Variants in PDE1C observed in about 807,000 individuals in gnomAD.
The protein encoded by PDE1C is phosphodiesterase 1C, also known as dual specificity calcium/calmodulin-dependent 3',5'-cyclic nucleotide phosphodiesterase 1C.
Under a neutral mutation model 93.1 loss-of-function variants are expected in PDE1C, and 62 were observed. That is an observed-to-expected ratio of 0.67 (90% CI 0.54 to 0.82). PDE1C has a LOEUF of 0.82. Among genes scored for constraint, PDE1C ranks in the 40% least tolerant of loss-of-function variants. The pLI is 0.00. For synonymous variants in PDE1C, 325 were observed against 310.1 expected (o/e 1.05, Z -0.50); for missense variants, 742 against 884.6 (o/e 0.84, Z 2.04).
At chr7:31,757,377 C>CTT (rs1043758756) in intron 17 of PDE1C, among the ~76,000 whole-genome samples, 3 of 152,080 alleles carry the variant, frequency 2.0e-5, no homozygotes, top group African/African-American at 7.2e-5. Flanking sequence ...AGTCATGTAA[C>CTT]TTTTAAAAAA....
At chr7:31,987,540 C>T (rs546300230) in intron 2 of PDE1C, among the ~76,000 whole-genome samples, 1 of 152,340 alleles carries the variant, frequency 6.6e-6, no homozygotes, top group African/African-American at 2.4e-5. Flanking sequence ...CAGCTGCAGT[C>T]TCCTCACAGA....
At chr7:32,006,729 G>A (rs1272105890) in intron 2 of PDE1C, among the ~76,000 whole-genome samples, 1 of 152,242 alleles carries the variant, frequency 6.6e-6, no homozygotes, top group African/African-American at 2.4e-5. Flanking sequence ...CGTGGTTGAT[G>A]CTGGCAAAGA....
At chr7:32,283,198 C>T (rs1041476086) in intron 1 of PDE1C, among the ~76,000 whole-genome samples, 1 of 152,064 alleles carries the variant, frequency 6.6e-6, no homozygotes, top group African/African-American at 2.4e-5. Context: ...ATCGTGATAC[C>T]TTAAAAACTG....
intron 2 of PDE1C, among the ~76,000 whole-genome samples, chr7:31,972,361 C>T (rs1811078972): frequency 6.6e-6 from 1 of 152,204 alleles, no homozygotes; most frequent in Non-Finnish European, 1.5e-5. Flanking sequence ...GTAGCACCAA[C>T]TACAGTCCCA....
intron 1 of PDE1C, among the ~76,000 whole-genome samples, chr7:32,273,685 C>T (rs1384938825): frequency 6.6e-6 from 1 of 152,186 alleles, no homozygotes; most frequent in South Asian, 2.1e-4. Context: ...CCTTCAAAGA[C>T]TTGTACACCG....
chr7:31,722,849 T>G, the PDE1C span, among the ~76,000 whole-genome samples: 4 of 152,180 alleles, frequency 2.6e-5, no homozygotes, highest in African/African-American at 7.2e-5. Flanking sequence ...CTTTACTGTT[T>G]ATCCCTCCAG....
At chr7:31,818,706 T>A (rs1169003628) in intron 14 of PDE1C, among the ~76,000 whole-genome samples, 2 of 152,120 alleles carry the variant, frequency 1.3e-5, no homozygotes, top group Non-Finnish European at 2.9e-5. Flanking sequence ...AGTGGGAAAC[T>A]GAGGCAAGGA....
the PDE1C span, chr7:31,692,417 A>G: frequency 6.4e-7 from 1 of 1,560,684 alleles, no homozygotes; most frequent in Non-Finnish European, 8.8e-7. Context: ...GCTGGAGAAG[A>G]AATACATCCA....
rs374070482 is a variant in PDE1C, at chr7:32,107,843, T to A, written c.308+61942A>T. Among the ~76,000 whole-genome samples, 3 of 152,142 alleles carry A rather than the reference T, an allele frequency of 2.0e-5. No individual in the cohort carries two copies. In the East Asian group the frequency reaches 5.8e-4, roughly 29 times the overall value. On this transcript the variant is annotated intron_variant, in intron 3 of 18. Coordinates refer to the PDE1C transcript ENST00000396193. ...GATCATAGCTTATGAAAAAGTGAAA[T>A]CAGTAACAGCAATCTTATAAGGGAC...
chr7:31,992,136 C>A (rs558507789), intron 2 of PDE1C, among the ~76,000 whole-genome samples: 1 of 152,312 alleles, frequency 6.6e-6, no homozygotes, highest in East Asian at 1.9e-4. Flanking sequence ...CAGGCCCAAG[C>A]CCAGTAGGGA....
At chr7:31,727,582 CTCTT>C in the PDE1C span, among the ~76,000 whole-genome samples, 1 of 152,162 alleles carries the variant, frequency 6.6e-6, no homozygotes, top group Non-Finnish European at 1.5e-5. Context: ...TATTGTCTCT[CTCTT>C]CATTTTATAG....
intron 11 of PDE1C, among the ~76,000 whole-genome samples, chr7:31,836,380 G>C (rs1791108196): frequency 6.6e-6 from 1 of 152,058 alleles, no homozygotes; most frequent in Non-Finnish European, 1.5e-5. Flanking sequence ...CTGTCGCCAG[G>C]CTGGAGTACG....
At chr7:31,876,188 T>TA (rs142760799) in intron 5 of PDE1C, among the ~76,000 whole-genome samples, 197 of 152,194 alleles carry the variant, frequency 1.3e-3, no homozygotes, top group African/African-American at 4.6e-3. Flanking sequence ...CATTACATTG[T>TA]AAAAAGCTTT....
intron 3 of PDE1C, among the ~76,000 whole-genome samples, chr7:32,133,758 T>G (rs1268985810): frequency 6.6e-6 from 1 of 152,100 alleles, no homozygotes; most frequent in Non-Finnish European, 1.5e-5. Flanking sequence ...TAACGTCCAG[T>G]ATATATATGA....
At chr7:32,108,362 A>C (rs927977382) in intron 3 of PDE1C, among the ~76,000 whole-genome samples, 1 of 152,008 alleles carries the variant, frequency 6.6e-6, no homozygotes, top group Non-Finnish European at 1.5e-5. Context: ...ATATGATAAA[A>C]GCAATTAAAA....
chr7:31,913,107 G>A (rs1352851382), intron 2 of PDE1C, among the ~76,000 whole-genome samples: 2 of 152,136 alleles, frequency 1.3e-5, no homozygotes, highest in African/African-American at 4.8e-5. Context: ...GAGGACTCCA[G>A]CATCCTGAAC....
At chr7:31,772,785 C>A (rs1795583513) in intron 17 of PDE1C, among the ~76,000 whole-genome samples, 1 of 152,150 alleles carries the variant, frequency 6.6e-6, no homozygotes, top group Non-Finnish European at 1.5e-5. Context: ...CCCTAAAATT[C>A]CAATTAAATC....
chr7:32,218,434 A>G (rs984082595), intron 1 of PDE1C, among the ~76,000 whole-genome samples: 1 of 152,228 alleles, frequency 6.6e-6, no homozygotes, highest in Non-Finnish European at 1.5e-5. Flanking sequence ...AAATCCTTAC[A>G]GAGGGCAAGG....
downstream of PDE1C, among the ~76,000 whole-genome samples, chr7:31,749,247 T>C (rs1794068930): frequency 6.6e-6 from 1 of 151,822 alleles, no homozygotes; most frequent in Non-Finnish European, 1.5e-5. Flanking sequence ...ATATTATAAC[T>C]GAATGGAAAA....
Sources: gnomAD v4.1 joint callset for allele counts (sites outside exome capture counted in the v4.1 genomes callset) on GRCh38, gnomAD v4.1.1 for gene constraint, MANE v1.5 for transcripts, NCBI Gene and HGNC (gene_info 2026-07-23, HGNC 2026-07-21) for gene names.